Variants in NLRP1 observed in about 807,000 individuals in gnomAD.
NLRP1 encodes the protein NACHT, LRR and PYD domains-containing protein 1.
NLRP1 carries 94 observed loss-of-function variants against 136.7 expected under a neutral mutation model. The observed-to-expected ratio is 0.69, with a 90% CI of 0.58 to 0.82. The LOEUF (loss-of-function observed/expected upper bound fraction) is 0.82, where lower values mean the gene tolerates loss of function less well. Ranked by LOEUF, NLRP1 falls within the 40% of genes least tolerant of loss-of-function variation. The pLI is 0.00. For synonymous variants in NLRP1, 690 were observed against 725.1 expected (o/e 0.95, Z 0.78); for missense variants, 1,575 against 1,802.7 (o/e 0.87, Z 2.29).
chr17:5,564,739 T>G (rs1006370238), intron 3 of NLRP1, among the ~76,000 whole-genome samples: 2 of 144,684 alleles, frequency 1.4e-5, no homozygotes, highest in African/African-American at 5.1e-5. Context: ...TTAGTGTTTT[T>G]TTTTTTTTTT....
intron 3 of NLRP1, among the ~76,000 whole-genome samples, chr17:5,575,163 A>G (rs537840118): frequency 4.6e-5 from 7 of 152,346 alleles, no homozygotes; most frequent in Admixed American, 4.6e-4. Context: ...CAGCCACTGC[A>G]AAAACATGCC....
At chr17:5,552,758 A>T (rs76351905) in intron 5 of NLRP1, among the ~76,000 whole-genome samples, 3,222 of 152,328 alleles carry the variant, frequency 0.021, 122 homozygotes, top group African/African-American at 0.074. Flanking sequence ...TGTGACATTT[A>T]AAAGTACTAT....
chr17:5,501,829 G>A (rs749226290), exon 16 of NLRP1: 2 of 1,613,812 alleles, frequency 1.2e-6, no homozygotes, highest in Non-Finnish European at 8.5e-7. Flanking sequence ...ATCTCCTGGC[G>A]TCTCTGTTGC....
chr17:5,521,982 G>A (rs1597398104), intron 12 of NLRP1, among the ~76,000 whole-genome samples, 196 bp from the exon 13 acceptor site: 4 of 152,240 alleles, frequency 2.6e-5, no homozygotes, highest in African/African-American at 9.6e-5. Context: ...CTGCCACCAT[G>A]CCCAGCTAAT....
chr17:5,512,068 G>T, downstream of NLRP1: 16 of 706,474 alleles, frequency 2.3e-5, no homozygotes, highest in Admixed American at 1.0e-4. Flanking sequence ...AGGTATTTTT[G>T]TTTTGGGTTT....
rs771346182 is a variant in NLRP1 at position 5,517,825 on chromosome 17, G to A, written c.3978C>T (p.Gly1326=). The part of the protein sequence containing the change: ...EDQLFSEFYV[G]HLGSGIRLQV... ...GCAGCCTGATCCCTGATCCCAAGTG[G>A]CCAACGTAGAACTCCGAGAACAGCT... Residue 1326 remains glycine (G), a synonymous_variant, in exon 15 of 17, where the codon GGC becomes GGT. Coordinates refer to ENST00000572272, the MANE Select transcript of NLRP1 (RefSeq NM_033004.4). The A allele has an allele frequency of 1.2e-6, 2 of 1,614,110 alleles. No individual in the cohort carries two copies.
At chr17:5,529,094 G>A (rs1909905003) in intron 12 of NLRP1, among the ~76,000 whole-genome samples, 2 of 152,162 alleles carry the variant, frequency 1.3e-5, no homozygotes, top group South Asian at 2.1e-4. Context: ...TCTGGCTGAT[G>A]TCAAGGCTTT....
chr17:5,553,282 G>A (rs11656080), intron 5 of NLRP1, 104 bp downstream of exon 5: 54,009 of 1,080,354 alleles, frequency 0.05, 1,627 homozygotes, highest in African/African-American at 0.11. Context: ...AGGCCTCAAC[G>A]AATATTTGAT....
At chr17:5,521,844 G>C (rs1908947164) in intron 12 of NLRP1, 58 bp from the exon 13 acceptor site, 1 of 1,490,324 alleles carries the variant, frequency 6.7e-7, no homozygotes, top group Admixed American at 2.3e-5. Context: ...ATTTTGTTGA[G>C]ACAGAGTTTC....
intron 4 of NLRP1, among the ~76,000 whole-genome samples, chr17:5,556,616 T>G (rs1463316803): frequency 6.8e-6 from 1 of 147,590 alleles, no homozygotes; most frequent in Non-Finnish European, 1.5e-5. Context: ...GTTCTTACAA[T>G]TGACCACTAA....
chr17:5,580,641 G>T (rs1905537276), intron 3 of NLRP1, among the ~76,000 whole-genome samples: 1 of 151,938 alleles, frequency 6.6e-6, no homozygotes, highest in Admixed American at 6.5e-5. Flanking sequence ...TTTCATACTT[G>T]TTTTTTTCAC....
At chr17:5,517,923 A>T in intron 14 of NLRP1, 36 bp from the exon 15 acceptor site, 1 of 1,610,788 alleles carries the variant, frequency 6.2e-7, no homozygotes, top group African/African-American at 1.3e-5. Flanking sequence ...CACCCTGTTC[A>T]TCTTGCATGG....
At chr17:5,564,734 G>GTTTTTTT (rs59428190) in intron 3 of NLRP1, among the ~76,000 whole-genome samples, 47 of 97,816 alleles carry the variant, frequency 4.8e-4, no homozygotes, top group African/African-American at 1.8e-3. Flanking sequence ...AATTTTTAGT[G>GTTTTTTT]TTTTTTTTTT....
At chr17:5,530,337 A>C (rs1048250439) in intron 12 of NLRP1, 144 bp downstream of exon 12, 9 of 659,982 alleles carry the variant, frequency 1.4e-5, no homozygotes, top group Non-Finnish European at 2.1e-5. Context: ...GGAATGCAGG[A>C]AAATCTTAGT....
At chr17:5,539,635 C>T (rs753157079) in intron 6 of NLRP1, 50 bp from the exon 7 acceptor site, 1 of 1,493,906 alleles carries the variant, frequency 6.7e-7, no homozygotes, top group South Asian at 1.3e-5. Flanking sequence ...AGGGCTCGCT[C>T]TTCAGGGTAA....
At chr17:5,505,047 C>T (rs1009449135) in intron 15 of NLRP1, 1 of 152,240 alleles carries the variant, frequency 6.6e-6, no homozygotes, top group Non-Finnish European at 1.5e-5. Context: ...TGCCGAATTC[C>T]TCTCCTGCCA....
At chr17:5,549,381 C>T (rs971284188) in intron 5 of NLRP1, among the ~76,000 whole-genome samples, 5 of 152,098 alleles carry the variant, frequency 3.3e-5, no homozygotes, top group South Asian at 2.1e-4. Flanking sequence ...CAGGCTGAAG[C>T]GATTCTCCCA....
chr17:5,523,715 A>G (rs1909189420), intron 12 of NLRP1, among the ~76,000 whole-genome samples: 1 of 152,316 alleles, frequency 6.6e-6, no homozygotes, highest in Non-Finnish European at 1.5e-5. Context: ...AACTGCTGCA[A>G]TGCAAGTGGT....
chr17:5,521,164 C>T, intron 13 of NLRP1, 152 bp from the exon 14 acceptor site: 1 of 743,340 alleles, frequency 1.3e-6, no homozygotes. Context: ...ACAGAGACAG[C>T]CCGCACTTGG....
Sources: gnomAD v4.1 joint callset for allele counts (sites outside exome capture counted in the v4.1 genomes callset) on GRCh38, gnomAD v4.1.1 for gene constraint, MANE v1.5 for transcripts, NCBI Gene and HGNC (gene_info 2026-07-23, HGNC 2026-07-21) for gene names.